TULP3: variants seen among roughly 807,000 people sequenced by gnomAD.
TULP3 encodes the protein tubby-related protein 3.
TULP3 carries 38 observed loss-of-function variants against 50.7 expected under a neutral mutation model. The ratio of observed to expected loss-of-function variants is 0.75; its 90% CI spans 0.58 to 0.98. The LOEUF is 0.98. Ranked by LOEUF, TULP3 falls within the 50% of genes least tolerant of loss-of-function variation. The probability of loss-of-function intolerance (pLI) is 0.00; values close to 1 mark genes in which losing one functional copy is unlikely to be tolerated. For missense variants in TULP3, 550 were observed against 568.0 expected (o/e 0.97, Z 0.32); for synonymous variants, 183 against 196.6 (o/e 0.93, Z 0.58).
chr12:2,909,627 C>T (rs772482890), intron 2 of TULP3, 47 bp downstream of exon 2: 16 of 1,542,716 alleles, frequency 1.0e-5, no homozygotes, highest in South Asian at 9.6e-5. Context: ...CTATACTGAC[C>T]GTGATGCTGA....
intron 1 of TULP3, among the ~76,000 whole-genome samples, chr12:2,903,965 G>A (rs925229937): frequency 2.6e-5 from 4 of 152,002 alleles, no homozygotes; most frequent in Middle Eastern, 3.4e-3. Flanking sequence ...TGTATCTTTA[G>A]CAGAGACGGG....
chr12:2,907,405 G>A lies in TULP3; in HGVS notation c.42-2124G>A, dbSNP rs187854754. 2.8e-4 allele frequency among the ~76,000 whole-genome samples: 42 copies of A among 151,216 alleles called. No homozygotes were observed. In the East Asian group the frequency reaches 8.2e-3, roughly 30 times the overall value. On this transcript the variant is annotated intron_variant, in intron 1 of 10. Transcript: ENST00000448120. Reference sequence around the variant, plus strand: ...CAGGAGAATCGCTTGAACCTGGGAGGCAGAGGTTGCAGTGAGCCGAGATCG... The same window carrying A: ...CAGGAGAATCGCTTGAACCTGGGAGACAGAGGTTGCAGTGAGCCGAGATCG...
At chr12:2,929,545 C>T (rs967996718) in intron 4 of TULP3, among the ~76,000 whole-genome samples, 2 of 152,132 alleles carry the variant, frequency 1.3e-5, no homozygotes. Context: ...GCCTCAGCCT[C>T]CCAAAGTGCT....
intron 1 of TULP3, among the ~76,000 whole-genome samples, chr12:2,901,231 T>C (rs2098179055): frequency 6.6e-6 from 1 of 150,624 alleles, no homozygotes; most frequent in African/African-American, 2.4e-5. Context: ...TCCTGCCTCA[T>C]TCTCCTCAAG....
intron 1 of TULP3, among the ~76,000 whole-genome samples, chr12:2,897,630 T>C (rs1248964305): frequency 6.6e-6 from 1 of 151,578 alleles, no homozygotes. Context: ...CATGTTCGTT[T>C]GTTCTCTCTC....
intron 3 of TULP3, among the ~76,000 whole-genome samples, chr12:2,921,250 C>T (rs140412274): frequency 2.6e-4 from 39 of 152,270 alleles, no homozygotes; most frequent in African/African-American, 8.4e-4. Context: ...AGTGATTCTC[C>T]TGCCTCAACT....
At chr12:2,933,637 T>A in intron 7 of TULP3, 107 bp downstream of exon 7, 1 of 546,416 alleles carries the variant, frequency 1.8e-6, no homozygotes, top group Non-Finnish European at 3.0e-6. Context: ...GATGTTGTAA[T>A]CTTAAAAAAA....
Position 2,921,610 on chromosome 12 carries a change from G to A in TULP3, c.254-652G>A, listed in dbSNP as rs369835301. Among the ~76,000 whole-genome samples, 22 of 152,252 alleles carry A rather than the reference G, an allele frequency of 1.4e-4. No individual in the cohort carries two copies. In the East Asian group the frequency reaches 2.1e-3, roughly 15 times the overall value. Reference sequence around the variant, plus strand: ...ATCATCTGAGATGGGGAGGGGCGGAGGAAGAATAAGATTGTAAGTGCCTCT... The same window carrying A: ...ATCATCTGAGATGGGGAGGGGCGGAAGAAGAATAAGATTGTAAGTGCCTCT... On this transcript the variant is annotated intron_variant, in intron 3 of 10. Transcript: ENST00000448120.
chr12:2,935,319 A>T (rs770070047), intron 8 of TULP3, among the ~76,000 whole-genome samples: 2 of 151,918 alleles, frequency 1.3e-5, no homozygotes, highest in African/African-American at 2.4e-5. Context: ...GTCTTTTCTG[A>T]TGTACTCCAC....
intron 4 of TULP3, among the ~76,000 whole-genome samples, chr12:2,929,299 A>C (rs2098196520): frequency 6.6e-6 from 1 of 152,112 alleles, no homozygotes; most frequent in African/African-American, 2.4e-5. Context: ...CCTGGGCGAC[A>C]GAGCGAGACT....
At chr12:2,929,220 G>C (rs2098196438) in intron 4 of TULP3, among the ~76,000 whole-genome samples, 3 of 152,040 alleles carry the variant, frequency 2.0e-5, no homozygotes, top group Non-Finnish European at 4.4e-5. Context: ...GGGAGGCTGA[G>C]GCAGGAGAGT....
At chr12:2,907,324 A>G (rs569813702) in intron 1 of TULP3, among the ~76,000 whole-genome samples, 1 of 152,144 alleles carries the variant, frequency 6.6e-6, no homozygotes, top group Admixed American at 6.6e-5. Context: ...AAATACAAAA[A>G]ATTAGCCCGG....
At chr12:2,937,106 A>G (rs1416079316) in intron 8 of TULP3, among the ~76,000 whole-genome samples, 1 of 149,488 alleles carries the variant, frequency 6.7e-6, no homozygotes, top group Middle Eastern at 3.2e-3. Flanking sequence ...CTCTGTCTCA[A>G]AAAAAAAAAG....
intron 6 of TULP3, among the ~76,000 whole-genome samples, chr12:2,933,184 G>A (rs2098199174): frequency 2.0e-5 from 3 of 151,974 alleles, no homozygotes; most frequent in African/African-American, 4.8e-5. Context: ...CTTGTGATCT[G>A]CCCACCTCGG....
At chr12:2,916,330 A>G (rs1398086026) in intron 2 of TULP3, among the ~76,000 whole-genome samples, 1 of 152,128 alleles carries the variant, frequency 6.6e-6, no homozygotes. Flanking sequence ...GGATAAAGTT[A>G]TTTCATGGAA....
chr12:2,929,664 C>G (rs987077767), intron 4 of TULP3, among the ~76,000 whole-genome samples: 1 of 151,900 alleles, frequency 6.6e-6, no homozygotes, highest in African/African-American at 2.4e-5. Context: ...AGTCTCGGCT[C>G]GCTGCAAGCT....
chr12:2,910,167 C>A (rs181668524), intron 2 of TULP3, among the ~76,000 whole-genome samples: 29 of 152,258 alleles, frequency 1.9e-4, no homozygotes, highest in East Asian at 5.8e-4. Flanking sequence ...GTGGCGGGCA[C>A]CTCTAGTCCC....
At chr12:2,900,913 A>G (rs1049585677) in intron 1 of TULP3, among the ~76,000 whole-genome samples, 13 of 135,864 alleles carry the variant, frequency 9.6e-5, no homozygotes, top group Admixed American at 2.4e-4. Flanking sequence ...CGGTTTCACC[A>G]TGTTGCCCAG....
intron 2 of TULP3, among the ~76,000 whole-genome samples, chr12:2,919,938 A>G (rs185231147): frequency 2.6e-5 from 4 of 152,122 alleles, no homozygotes; most frequent in African/African-American, 7.2e-5. Context: ...AAGAATGCCA[A>G]ACTTACTGCC....
Sources: allele counts gnomAD v4.1 joint callset (sites outside exome capture counted in the v4.1 genomes callset), GRCh38; gene constraint gnomAD v4.1.1; transcripts MANE v1.5; gene names NCBI Gene and HGNC (gene_info 2026-07-23, HGNC 2026-07-21).